Variants in GRIK3 observed in about 807,000 individuals in gnomAD.
The protein encoded by GRIK3 is glutamate receptor ionotropic, kainate 3.
A neutral mutation model predicts 102.5 loss-of-function variants in GRIK3; 29 were observed. The ratio of observed to expected loss-of-function variants is 0.28; its 90% CI spans 0.21 to 0.39. The LOEUF (loss-of-function observed/expected upper bound fraction) is 0.39. Ranked by LOEUF, GRIK3 falls within the 10% of genes least tolerant of loss-of-function variation. The pLI, the probability that GRIK3 is intolerant of heterozygous loss-of-function variation, is 1.00. For missense variants in GRIK3, 908 were observed against 1,252.4 expected, an observed-to-expected ratio of 0.73 and a Z score of 4.15; for synonymous variants, 511 against 504.9, an observed-to-expected ratio of 1.01 and a Z score of -0.16.
At chr1:36,975,233 A>G (rs1642182773) in intron 1 of GRIK3, among the ~76,000 whole-genome samples, 1 of 151,920 alleles carries the variant, frequency 6.6e-6, no homozygotes, top group African/African-American at 2.4e-5. Context: ...TCAGGTTTTC[A>G]CAGATAACAT....
At chr1:36,972,072 C>T (rs1194721950) in intron 1 of GRIK3, among the ~76,000 whole-genome samples, 1 of 152,212 alleles carries the variant, frequency 6.6e-6, no homozygotes, top group African/African-American at 2.4e-5. Context: ...CTTGAGGAGG[C>T]ACTGGCAATT....
intron 1 of GRIK3, among the ~76,000 whole-genome samples, chr1:37,002,934 C>T (rs781579248): frequency 4.6e-5 from 7 of 151,736 alleles, no homozygotes; most frequent in African/African-American, 7.3e-5. Flanking sequence ...AGCCACTGCA[C>T]GGCCAATGTT....
chr1:36,830,553 T>C (rs1640262225), intron 10 of GRIK3, among the ~76,000 whole-genome samples: 1 of 152,156 alleles, frequency 6.6e-6, no homozygotes, highest in Admixed American at 6.5e-5. Flanking sequence ...CTCATGCCTG[T>C]AATCCTAGCA....
At chr1:36,920,118 C>G (rs1413705328) in intron 1 of GRIK3, among the ~76,000 whole-genome samples, 1 of 152,182 alleles carries the variant, frequency 6.6e-6, no homozygotes, top group Admixed American at 6.5e-5. Flanking sequence ...ACTGGTCTGT[C>G]CTGAAGCTGG....
intron 1 of GRIK3, among the ~76,000 whole-genome samples, chr1:37,030,750 G>A (rs58187164): frequency 0.025 from 3,862 of 152,092 alleles, 172 homozygotes; most frequent in African/African-American, 0.087. Context: ...CCCATAACAT[G>A]AGGAGAGAAC....
chr1:37,002,766 C>T (rs1384996250), intron 1 of GRIK3, among the ~76,000 whole-genome samples: 1 of 150,930 alleles, frequency 6.6e-6, no homozygotes, highest in Non-Finnish European at 1.5e-5. Flanking sequence ...GCAACCTCTG[C>T]CTCCCGGGTT....
At chr1:36,842,216 G>T (rs1230258475) in intron 9 of GRIK3, among the ~76,000 whole-genome samples, 1 of 152,142 alleles carries the variant, frequency 6.6e-6, no homozygotes, top group African/African-American at 2.4e-5. Context: ...GGTGGAGCAG[G>T]GCTTTGAACT....
chr1:37,015,836 T>C (rs1452450200), intron 1 of GRIK3, among the ~76,000 whole-genome samples: 1 of 152,208 alleles, frequency 6.6e-6, no homozygotes, highest in African/African-American at 2.4e-5. Context: ...GGGTCTGTGT[T>C]GGAGAGATGG....
rs376867685 is a variant in GRIK3 at position 37,000,972 on chromosome 1, C to T, written c.115+33022G>A. 5.3e-5 allele frequency among the ~76,000 whole-genome samples: 8 copies of T among 152,328 alleles called. No homozygotes were observed. In the South Asian group the frequency reaches 1.2e-3, roughly 24 times the overall value. On this transcript the variant is annotated intron_variant, in intron 1 of 15. Transcript: ENST00000373091. ...GCACCTGATTCCACTTAATCCTCTG[C>T]CAGGAAGGTGGTCAGTGGTACCTGG...
intron 6 of GRIK3, 48 bp from the exon 7 acceptor site, chr1:36,859,299 C>A: frequency 6.4e-7 from 1 of 1,563,758 alleles, no homozygotes; most frequent in Non-Finnish European, 8.7e-7. Flanking sequence ...CCCTCCAGTC[C>A]TCAGCCCACC....
intron 3 of GRIK3, among the ~76,000 whole-genome samples, chr1:36,879,623 G>C (rs75831443): frequency 0.01 from 1,547 of 152,338 alleles, 22 homozygotes; most frequent in African/African-American, 0.036. Flanking sequence ...TGGGACTTGA[G>C]AGGCAGGGGG....
intron 3 of GRIK3, among the ~76,000 whole-genome samples, chr1:36,873,826 A>G (rs1218316777): frequency 1.3e-5 from 2 of 152,234 alleles, no homozygotes; most frequent in Admixed American, 1.3e-4. Context: ...CTGTGTTAGA[A>G]CAACTGGCAC....
intron 1 of GRIK3, among the ~76,000 whole-genome samples, chr1:37,016,579 T>C (rs575004810): frequency 6.6e-6 from 1 of 152,312 alleles, no homozygotes; most frequent in East Asian, 1.9e-4. Context: ...CCTCCTAGTC[T>C]GTCTTTTGTT....
At chr1:37,000,272 A>C (rs1302266977) in intron 1 of GRIK3, among the ~76,000 whole-genome samples, 10 of 152,250 alleles carry the variant, frequency 6.6e-5, no homozygotes, top group Admixed American at 6.5e-4. Context: ...TATTACCTTC[A>C]TCACATACAT....
intron 1 of GRIK3, among the ~76,000 whole-genome samples, chr1:36,986,102 C>A (rs1642301414): frequency 1.3e-5 from 2 of 152,148 alleles, no homozygotes; most frequent in Admixed American, 6.5e-5. Context: ...CTAGAGGAGC[C>A]CTCTCCCTGC....
chr1:36,923,207 G>A (rs1443086906), intron 1 of GRIK3, among the ~76,000 whole-genome samples: 6 of 152,190 alleles, frequency 3.9e-5, no homozygotes, highest in African/African-American at 7.2e-5. Context: ...ACGTATCAGC[G>A]CTTTGCCCAC....
At chr1:37,030,272 G>A (rs1642807288) in intron 1 of GRIK3, among the ~76,000 whole-genome samples, 1 of 152,220 alleles carries the variant, frequency 6.6e-6, no homozygotes, top group Admixed American at 6.5e-5. Flanking sequence ...ACCAGTCACT[G>A]TGAGAAATTT....
intron 1 of GRIK3, among the ~76,000 whole-genome samples, chr1:36,934,137 G>A (rs558557316): frequency 3.3e-5 from 5 of 152,258 alleles, no homozygotes; most frequent in Admixed American, 2.0e-4. Context: ...CTGAGGTCCT[G>A]GTAGCATTGG....
At chr1:37,032,415 A>G (rs1642838043) in intron 1 of GRIK3, among the ~76,000 whole-genome samples, 1 of 151,792 alleles carries the variant, frequency 6.6e-6, no homozygotes, top group Non-Finnish European at 1.5e-5. Context: ...CCCCAAGGAC[A>G]CCCTACGACG....
Sources: allele counts gnomAD v4.1 joint callset (sites outside exome capture counted in the v4.1 genomes callset), GRCh38; gene constraint gnomAD v4.1.1; transcripts MANE v1.5; gene names NCBI Gene and HGNC (gene_info 2026-07-23, HGNC 2026-07-21).